PTPRN2: variants seen among roughly 807,000 people sequenced by gnomAD.
PTPRN2 encodes receptor-type tyrosine-protein phosphatase N2.
In PTPRN2, 74 loss-of-function variants were observed where a neutral mutation model predicts 118.8. That is an observed-to-expected ratio of 0.62 (90% CI 0.52 to 0.76). PTPRN2 has a LOEUF of 0.76. Among genes scored for constraint, PTPRN2 ranks in the 30% least tolerant of loss-of-function variants. PTPRN2 has a pLI of 0.00. For missense variants in PTPRN2, 1,481 were observed against 1,394.4 expected, an observed-to-expected ratio of 1.06 and a Z score of -0.99; for synonymous variants, 641 against 608.0, an observed-to-expected ratio of 1.05 and a Z score of -0.80.
intron 2 of PTPRN2, among the ~76,000 whole-genome samples, chr7:158,319,074 A>G (rs1384833083): frequency 6.6e-6 from 1 of 152,260 alleles, no homozygotes. Flanking sequence ...TGTCATAAAT[A>G]TATTTTAAAA....
intron 12 of PTPRN2, among the ~76,000 whole-genome samples, chr7:157,750,775 C>T (rs1034039699): frequency 6.6e-6 from 1 of 152,238 alleles, no homozygotes; most frequent in African/African-American, 2.4e-5. Flanking sequence ...GCGTTCAGCT[C>T]CTCAGTGGGT....
chr7:158,392,203 G>A (rs552423747), intron 2 of PTPRN2, among the ~76,000 whole-genome samples: 3 of 152,240 alleles, frequency 2.0e-5, no homozygotes, highest in East Asian at 3.9e-4. Flanking sequence ...TCAGGGTGAG[G>A]ACTCTGATGT....
chr7:158,012,367 G>A (rs571407027), intron 11 of PTPRN2, among the ~76,000 whole-genome samples: 6 of 152,162 alleles, frequency 3.9e-5, no homozygotes, highest in South Asian at 2.1e-4. Flanking sequence ...TCACTCAGAC[G>A]GCAAATATTT....
In PTPRN2 at chr7:158,146,520, G is replaced by A. The variant is rs143960428; in HGVS notation, c.911-8005C>T. ...GCGGATCACGAGGTCAGGAGATCAAGACCATCCTGACTAACATGGTGAAAC... is the reference window on the plus strand; with the variant it reads ...GCGGATCACGAGGTCAGGAGATCAAAACCATCCTGACTAACATGGTGAAAC... On this transcript the variant is annotated intron_variant, in intron 6 of 22. Coordinates refer to ENST00000389418, the MANE Select transcript of PTPRN2 (RefSeq NM_002847.5). Among the ~76,000 whole-genome samples, 162 of 152,096 alleles carry A rather than the reference G, an allele frequency of 1.1e-3. 3 individuals carry two copies. In the East Asian group the frequency reaches 0.025, roughly 23 times the overall value.
intron 12 of PTPRN2, among the ~76,000 whole-genome samples, chr7:157,689,258 C>G (rs1321082888): frequency 6.6e-6 from 1 of 152,232 alleles, no homozygotes; most frequent in Non-Finnish European, 1.5e-5. Flanking sequence ...CTGGGATCGG[C>G]GACGCAAGGA....
chr7:157,789,336 C>T (rs749364338), intron 12 of PTPRN2, among the ~76,000 whole-genome samples: 24 of 152,220 alleles, frequency 1.6e-4, no homozygotes, highest in African/African-American at 5.5e-4. Context: ...TGGGCACGTT[C>T]CCTCCTGGTG....
chr7:157,913,216 C>CT (rs1405306034), intron 11 of PTPRN2, among the ~76,000 whole-genome samples: 2 of 152,046 alleles, frequency 1.3e-5, no homozygotes, highest in African/African-American at 2.4e-5. Context: ...CATTTTCTAA[C>CT]TTTTTTTCCT....
At chr7:158,149,750 G>A (rs1167398814) in intron 6 of PTPRN2, among the ~76,000 whole-genome samples, 1 of 151,174 alleles carries the variant, frequency 6.6e-6, no homozygotes, top group Non-Finnish European at 1.5e-5. Context: ...GTTGCGGTGA[G>A]CTGAGATTGT....
At chr7:158,410,314 A>C (rs1188350986) in intron 2 of PTPRN2, among the ~76,000 whole-genome samples, 1 of 152,196 alleles carries the variant, frequency 6.6e-6, no homozygotes, top group Non-Finnish European at 1.5e-5. Flanking sequence ...CGAAGGCAGG[A>C]GATGTGGGGG....
Position 158,089,825 on chromosome 7 carries a change from AC to A in PTPRN2, c.1644-8449del, listed in dbSNP as rs1219304044. On this transcript the variant is annotated intron_variant, in intron 10 of 22. Coordinates refer to ENST00000389418, the MANE Select transcript of PTPRN2 (RefSeq NM_002847.5). ...CTGACGAAAGAGGGAGTCTTCACAC[AC>A]ATCCTTCCTCCCCTGATGAAAGAGG... Among the ~76,000 whole-genome samples, 130 of 121,770 alleles carry A rather than the reference AC, an allele frequency of 1.1e-3. 1 individual carries two copies. Among genetic ancestry groups the A allele is most frequent in the African/African-American group, 2.9e-3 (97 of 33,208 alleles). The allele number at this position is 121,770 out of a possible 152,430, so 79.9% of individuals were successfully genotyped here. A position where few individuals can be genotyped will look rare whatever the true frequency, so the allele number is the denominator to read the frequency against.
chr7:157,873,166 T>A (rs56240144), intron 12 of PTPRN2, among the ~76,000 whole-genome samples: 4,833 of 152,314 alleles, frequency 0.032, 242 homozygotes, highest in African/African-American at 0.11. Context: ...TTGCCTGCCC[T>A]GAAGTCCTGC....
intron 2 of PTPRN2, among the ~76,000 whole-genome samples, chr7:158,364,806 A>G (rs1026701472): frequency 7.2e-5 from 11 of 152,290 alleles, no homozygotes; most frequent in Non-Finnish European, 1.5e-4. Flanking sequence ...TTACCTCTAA[A>G]TACACACCCT....
Position 157,729,930 on chromosome 7 carries a change from T to C in PTPRN2, c.1789-46993A>G, listed in dbSNP as rs1036577016. On this transcript the variant is annotated intron_variant, in intron 12 of 22. Coordinates refer to ENST00000389418, the MANE Select transcript of PTPRN2 (RefSeq NM_002847.5). The surrounding 1 kb of genome is among the most constrained non-coding windows in gnomAD (Gnocchi z 4.3). ...GAGTGTGACTCGGAGGAGTCCAGCATTGGATTCAGTGGGCCAGGAACAGGG... is the reference window on the plus strand; with the variant it reads ...GAGTGTGACTCGGAGGAGTCCAGCACTGGATTCAGTGGGCCAGGAACAGGG... Among the ~76,000 whole-genome samples, 1 of 152,104 alleles carries C rather than the reference T, an allele frequency of 6.6e-6. No individual in the cohort carries two copies. The highest frequency in any genetic ancestry group is 1.5e-5 in the Non-Finnish European group (1 of 68,010).
intron 3 of PTPRN2, among the ~76,000 whole-genome samples, chr7:158,249,472 TACC>T (rs1446004775): frequency 1.5e-5 from 2 of 130,798 alleles, no homozygotes; most frequent in East Asian, 2.4e-4. Context: ...TACACATATC[TACC>T]ACACCTGCAC....
rs190497886 is a variant in PTPRN2, at chr7:157,674,824, C to T, written c.2001+7901G>A. ...CGGCCCTGCCGGGCGTCTCCTCCCA[C>T]GCCGAGCTCCTCCTGCCGGGGGGGT... On this transcript the variant is annotated intron_variant, in intron 13 of 22. Transcript: ENST00000389418. This position sits in a 1 kb window ranked among gnomAD's most constrained non-coding sequence, Gnocchi z 4.5. Among the ~76,000 whole-genome samples the T allele has an allele frequency of 1.2e-4, 18 of 152,354 alleles. No individual in the cohort carries two copies. The highest frequency in any genetic ancestry group is 4.3e-4 in the African/African-American group (18 of 41,590).
chr7:157,922,449 G>T (rs1023561582), intron 11 of PTPRN2, among the ~76,000 whole-genome samples: 2 of 152,130 alleles, frequency 1.3e-5, no homozygotes, highest in South Asian at 2.1e-4. Context: ...CGGCAAAGCT[G>T]GAATTGCACT....
intron 11 of PTPRN2, among the ~76,000 whole-genome samples, chr7:158,066,277 C>A (rs1197175869): frequency 6.6e-6 from 1 of 152,238 alleles, no homozygotes; most frequent in Non-Finnish European, 1.5e-5. Flanking sequence ...GATGAGTCCC[C>A]TCCATTCAAG....
chr7:157,896,905 A>T lies in PTPRN2; in HGVS notation c.1788+1768T>A, dbSNP rs1797163036. On this transcript the variant is annotated intron_variant, in intron 12 of 22. Transcript: ENST00000389418. ...CACCACACTTGTCACCTCCCAGATG[A>T]ACCCCAGAGTCTCCCATTCCCCGTC... Among the ~76,000 whole-genome samples the T allele has an allele frequency of 3.3e-5, 5 of 152,018 alleles. No homozygotes were observed. The South Asian group carries it at 1.0e-3, about 32-fold the overall frequency.
At chr7:158,169,249 C>A (rs1042895698) in intron 5 of PTPRN2, among the ~76,000 whole-genome samples, 2 of 152,056 alleles carry the variant, frequency 1.3e-5, no homozygotes, top group Non-Finnish European at 2.9e-5. Context: ...TTTGGTTTTT[C>A]TGGGTTTTTT....
Sources: allele counts gnomAD v4.1 joint callset (sites outside exome capture counted in the v4.1 genomes callset), GRCh38; gene constraint gnomAD v4.1.1; non-coding constraint Gnocchi (gnomAD v3.1); transcripts MANE v1.5; gene names NCBI Gene and HGNC (gene_info 2026-07-23, HGNC 2026-07-21).